AMZ1: variants seen among roughly 807,000 people sequenced by gnomAD.
AMZ1 encodes archaemetzincin-1.
In AMZ1, 39 loss-of-function variants were observed where a neutral mutation model predicts 29.9. The ratio of observed to expected loss-of-function variants is 1.30; its 90% CI spans 1.01 to 1.70. The LOEUF (loss-of-function observed/expected upper bound fraction) is 1.70. Ranked by LOEUF, AMZ1 falls within the 40% of genes most tolerant of loss-of-function variation. The pLI, the probability that AMZ1 is intolerant of heterozygous loss-of-function variation, is 0.00. For synonymous variants in AMZ1, 458 were observed against 304.0 expected, an observed-to-expected ratio of 1.51 and a Z score of -5.27; for missense variants, 1,041 against 680.6, an observed-to-expected ratio of 1.53 and a Z score of -5.89.
chr7:2,759,089 G>A (rs1318046070), intron 4 of AMZ1, among the ~76,000 whole-genome samples: 3 of 151,184 alleles, frequency 2.0e-5, no homozygotes, highest in East Asian at 3.9e-4. Flanking sequence ...GCAATGAGCC[G>A]AGATTACACC....
chr7:2,746,207 C>G (rs1422133910), intron 4 of AMZ1, among the ~76,000 whole-genome samples: 1 of 152,198 alleles, frequency 6.6e-6, no homozygotes, highest in Admixed American at 6.5e-5. Flanking sequence ...CCCAAATCAA[C>G]AGAATATACA....
intron 4 of AMZ1, among the ~76,000 whole-genome samples, chr7:2,747,274 AAAT>A (rs1219821561): frequency 1.3e-5 from 2 of 152,240 alleles, no homozygotes; most frequent in African/African-American, 4.8e-5. Flanking sequence ...ATCCTCAATA[AAAT>A]ACTGGAAAAG....
In AMZ1 at chr7:2,718,058, CCTCT is replaced by C. The variant is rs1313718325; in HGVS notation, c.*5183_*5186del. On this transcript the variant is annotated 3_prime_UTR_variant, in exon 7 of 7. Transcript: ENST00000683327. ...CAGCCAGGCCCGTCCAACCTCCTGC[CCTCT>C]CTGAGAGGGGCCCGAGCTCTCGCAA... 6.6e-6 allele frequency among the ~76,000 whole-genome samples: 1 copy of C among 152,214 alleles called. No individual in the cohort carries two copies. The highest frequency in any genetic ancestry group is 1.9e-4 in the East Asian group (1 of 5,188).
At chr7:2,753,981 T>C (rs2115371593) in intron 4 of AMZ1, among the ~76,000 whole-genome samples, 1 of 152,300 alleles carries the variant, frequency 6.6e-6, no homozygotes, top group East Asian at 1.9e-4. Flanking sequence ...CTTTGTTCAC[T>C]TGGATATGCT....
downstream of AMZ1, among the ~76,000 whole-genome samples, chr7:2,719,971 G>C (rs755950647): frequency 1.5e-4 from 23 of 152,128 alleles, no homozygotes; most frequent in African/African-American, 5.3e-4. Context: ...GTCAGCCACC[G>C]TGCCCAGCCT....
intron 4 of AMZ1, among the ~76,000 whole-genome samples, chr7:2,743,892 G>A (rs112033675): frequency 0.022 from 3,304 of 151,996 alleles, 129 homozygotes; most frequent in African/African-American, 0.075. Context: ...TGGCTCGGAG[G>A]GTCCTACACC....
rs1235473671 is a variant in AMZ1 at position 2,719,337 on chromosome 7, G to C, written c.*6459G>C. Among the ~76,000 whole-genome samples the C allele has an allele frequency of 6.6e-6, 1 of 152,208 alleles. No individual in the cohort carries two copies. The highest frequency in any genetic ancestry group is 1.5e-5 in the Non-Finnish European group (1 of 68,038). On this transcript the variant is annotated 3_prime_UTR_variant, in exon 7 of 7. Transcript: ENST00000683327. ...CCTGATGTCTGTCACGGACCCCCAA[G>C]CAGGAGCAATGCCTAAAGAGGGCAA...
At position 2,700,361 on chromosome 7, in the gene AMZ1, G is replaced by A; in HGVS notation, c.-91G>A. On this transcript the variant is annotated 5_prime_UTR_variant, in exon 2 of 7. Transcript: ENST00000683327. ...GGTAGCCACTCGGATCAGCCCGAGG[G>A]AAGATTCTGGACGAGACCGTGGCCG... The A allele has an allele frequency of 5.5e-6, 8 of 1,457,038 alleles. No homozygotes were observed. In the South Asian group the frequency reaches 7.8e-5, roughly 14 times the overall value. 90.3% of individuals were successfully genotyped at this position (1,457,038 alleles called of 1,614,324 possible).
intron 1 of AMZ1, among the ~76,000 whole-genome samples, chr7:2,699,632 G>A (rs924434827): frequency 6.6e-6 from 1 of 152,186 alleles, no homozygotes; most frequent in Non-Finnish European, 1.5e-5. Flanking sequence ...GGGTGTTGGG[G>A]GGTCCCTAGG....
Position 2,709,134 on chromosome 7 carries a change from G to A in AMZ1, c.661G>A (p.Ala221Thr), listed in dbSNP as rs142146201. 1.9e-4 allele frequency: 302 copies of A among 1,597,974 alleles called. 3 individuals carry two copies. The South Asian group carries it at 3.0e-3, about 16-fold the overall frequency. ...GGAATTCCCGAAGTCGGGGCCCAGCGCCCCTGATCTGGCCCTGGTAGAGGC... is the reference window on the plus strand; with the variant it reads ...GGAATTCCCGAAGTCGGGGCCCAGCACCCCTGATCTGGCCCTGGTAGAGGC... Reference protein sequence around the residue: ...SGEFPKSGPSAPDLALVEAAA... With the variant: ...SGEFPKSGPSTPDLALVEAAA... The change falls in exon 5 of 7, where the codon GCC becomes ACC. Residue 221 changes from alanine (A) to threonine (T), a missense_variant. Ala to Thr is a moderately conservative substitution (Grantham distance 58). Coordinates refer to ENST00000683327, the MANE Select transcript of AMZ1 (RefSeq NM_001384743.1).
chr7:2,738,336 G>A (rs778023184), intron 4 of AMZ1, among the ~76,000 whole-genome samples: 23 of 152,148 alleles, frequency 1.5e-4, no homozygotes, highest in Admixed American at 2.6e-4. Context: ...ACAAAGTGAC[G>A]CAGGCACAAG....
chr7:2,694,653 C>A (rs1226351894), intron 1 of AMZ1, among the ~76,000 whole-genome samples: 1 of 148,712 alleles, frequency 6.7e-6, no homozygotes, highest in Non-Finnish European at 1.5e-5. Flanking sequence ...ATATTAAAAT[C>A]TCATATATAT....
At chr7:2,739,545 A>T (rs879394396) in intron 4 of AMZ1, among the ~76,000 whole-genome samples, 1 of 152,164 alleles carries the variant, frequency 6.6e-6, no homozygotes, top group Admixed American at 6.5e-5. Context: ...TTGTCAGTTG[A>T]TGAACACTTT....
rs1011641229 is a variant in AMZ1, at chr7:2,713,658, C to T, written c.*780C>T. 2.6e-5 allele frequency: 4 copies of T among 152,482 alleles called. No homozygotes were observed. Among genetic ancestry groups the T allele is most frequent in the Non-Finnish European group, 5.9e-5 (4 of 68,148 alleles). The allele number at this position is 152,482 out of a possible 1,614,324, so 9.4% of individuals were successfully genotyped here. A position where few individuals can be genotyped will look rare whatever the true frequency, so the allele number is the denominator to read the frequency against. ...AACCACATGCACACACACACTGTCACGTTCTGTGGCGCTAACAGCATCCTG... is the reference window on the plus strand; with the variant it reads ...AACCACATGCACACACACACTGTCATGTTCTGTGGCGCTAACAGCATCCTG... On this transcript the variant is annotated 3_prime_UTR_variant, in exon 7 of 7. Transcript: ENST00000683327.
At chr7:2,763,238 A>AC (rs1554258135), upstream of AMZ1, 8 of 398,934 alleles carry the variant, frequency 2.0e-5, no homozygotes, top group South Asian at 1.1e-4. Flanking sequence ...ACACGGTCTC[A>AC]ACACAGTTCA....
chr7:2,762,880 T>C, upstream of AMZ1: 1 of 1,437,426 alleles, frequency 7.0e-7, no homozygotes, highest in Non-Finnish European at 9.2e-7. Flanking sequence ...GCCCTGCTCG[T>C]GGAGCCATTG....
chr7:2,736,807 G>A (rs1262676261), intron 4 of AMZ1, among the ~76,000 whole-genome samples: 1 of 152,210 alleles, frequency 6.6e-6, no homozygotes, highest in African/African-American at 2.4e-5. Flanking sequence ...AGCCTCGCCC[G>A]TCACCTCTGT....
At chr7:2,695,140 T>G (rs1327262904) in intron 1 of AMZ1, among the ~76,000 whole-genome samples, 4 of 152,214 alleles carry the variant, frequency 2.6e-5, no homozygotes, top group African/African-American at 9.6e-5. Context: ...GCTGCAAGAC[T>G]TGCCCACTAC....
chr7:2,763,528 T>G (rs527698606), upstream of AMZ1, among the ~76,000 whole-genome samples: 66 of 152,330 alleles, frequency 4.3e-4, no homozygotes, highest in African/African-American at 1.5e-3. Context: ...CCAGTCCATG[T>G]CCCAAGCAGT....
Sources: gnomAD v4.1 joint callset for allele counts (sites outside exome capture counted in the v4.1 genomes callset) on GRCh38, gnomAD v4.1.1 for gene constraint, MANE v1.5 for transcripts, NCBI Gene and HGNC (gene_info 2026-07-23, HGNC 2026-07-21) for gene names.